MYT1L: variants seen among roughly 807,000 people sequenced by gnomAD.
The protein encoded by MYT1L is myelin transcription factor 1-like protein.
Under a neutral mutation model 126.7 loss-of-function variants are expected in MYT1L, and 12 were observed. That is an observed-to-expected ratio of 0.09 (90% CI 0.06 to 0.15). MYT1L has a LOEUF of 0.15. Ranked by LOEUF, MYT1L falls within the 10% of genes least tolerant of loss-of-function variation. The pLI, the probability that MYT1L is intolerant of heterozygous loss-of-function variation, is 1.00. For synonymous variants in MYT1L, 541 were observed against 604.2 expected, an observed-to-expected ratio of 0.90 and a Z score of 1.53; for missense variants, 979 against 1,585.2, an observed-to-expected ratio of 0.62 and a Z score of 6.49.
At chr2:1,809,003 C>T in intron 22 of MYT1L, 73 bp downstream of exon 22, 1 of 1,316,350 alleles carries the variant, frequency 7.6e-7, no homozygotes, top group Admixed American at 1.7e-5. Context: ...TGTCAAAGGA[C>T]ACACAGCTGG....
At position 1,889,552 on chromosome 2, in the gene MYT1L, C is replaced by A. The variant is rs1157865697; in HGVS notation, c.2284-75G>T. The stretch of plus-strand genomic sequence containing the variant: ...ACCACGAGTCCTTCCTCCCAGATTA[C>A]AGTCCTGCCGTCAGCCAGTGTAGCG... On this transcript the variant is annotated intron_variant, in intron 15 of 24. Coordinates refer to ENST00000647738, the MANE Select transcript of MYT1L (RefSeq NM_001303052.2). This position sits in a 1 kb window ranked among gnomAD's most constrained non-coding sequence, Gnocchi z 4.1. The A allele has an allele frequency of 4.1e-6, 5 of 1,226,300 alleles. No individual in the cohort carries two copies. In the African/African-American group the frequency reaches 7.5e-5, roughly 18 times the overall value. The allele number at this position is 1,226,300 out of a possible 1,614,324, so 76.0% of individuals were successfully genotyped here.
chr2:2,095,989 G>C (rs551605806), intron 3 of MYT1L, among the ~76,000 whole-genome samples: 11 of 152,068 alleles, frequency 7.2e-5, no homozygotes, highest in African/African-American at 2.2e-4. Context: ...ATGTTCATGG[G>C]TGGGTCTGTG....
intron 3 of MYT1L, among the ~76,000 whole-genome samples, chr2:2,143,015 G>T (rs1340612615): frequency 1.3e-5 from 2 of 150,828 alleles, no homozygotes; most frequent in African/African-American, 4.9e-5. Flanking sequence ...TGTAGGCTGG[G>T]CGCGGTGGCT....
At chr2:2,295,571 G>GAGAGAGAGAGACAGACAGAC (rs1559583222) in intron 1 of MYT1L, among the ~76,000 whole-genome samples, 169 of 136,700 alleles carry the variant, frequency 1.2e-3, no homozygotes, top group Non-Finnish European at 1.8e-3. Context: ...CAGACAGAGA[G>GAGAGAGAGAGACAGACAGAC]AGAGAGAGAG....
At chr2:2,292,184 G>T (rs1335831165) in intron 1 of MYT1L, among the ~76,000 whole-genome samples, 2 of 152,198 alleles carry the variant, frequency 1.3e-5, no homozygotes, top group Non-Finnish European at 2.9e-5. Flanking sequence ...CCTGCAGAGT[G>T]ACTGGGGGCG....
chr2:2,167,585 C>T (rs532495729), intron 3 of MYT1L, among the ~76,000 whole-genome samples: 1 of 152,302 alleles, frequency 6.6e-6, no homozygotes, highest in South Asian at 2.1e-4. Context: ...ACTCACCACG[C>T]CCACCCTGCC....
intron 5 of MYT1L, among the ~76,000 whole-genome samples, chr2:1,981,445 G>A (rs2060602934): frequency 6.6e-6 from 1 of 152,196 alleles, no homozygotes. Context: ...AAGGAAAAGA[G>A]ACTGTCTCTA....
At chr2:2,144,671 T>C (rs2084601460) in intron 3 of MYT1L, among the ~76,000 whole-genome samples, 1 of 152,210 alleles carries the variant, frequency 6.6e-6, no homozygotes, top group African/African-American at 2.4e-5. Flanking sequence ...TCCAGCTATG[T>C]GGTCATCGGA....
chr2:2,317,223 G>A (rs749978086), intron 1 of MYT1L, among the ~76,000 whole-genome samples: 3 of 152,050 alleles, frequency 2.0e-5, no homozygotes, highest in Non-Finnish European at 4.4e-5. Flanking sequence ...TCAAACAATA[G>A]CATCTACTCT....
intron 2 of MYT1L, among the ~76,000 whole-genome samples, chr2:2,271,921 A>C (rs2095271422): frequency 6.6e-6 from 1 of 152,206 alleles, no homozygotes. Context: ...CTTCAAAGGG[A>C]GATATCAGAA....
intron 21 of MYT1L, among the ~76,000 whole-genome samples, chr2:1,821,518 GT>G (rs2038522441): frequency 1.3e-5 from 2 of 152,114 alleles, no homozygotes; most frequent in South Asian, 4.1e-4. Flanking sequence ...CAAATTATAG[GT>G]TTTTAAAAAG....
intron 8 of MYT1L, among the ~76,000 whole-genome samples, chr2:1,947,782 G>C (rs1050197898): frequency 2.6e-5 from 4 of 152,246 alleles, no homozygotes; most frequent in Non-Finnish European, 5.9e-5. Flanking sequence ...TGTGTGGAAA[G>C]TCAAGTACAC....
chr2:2,285,679 A>G (rs1338524027), intron 1 of MYT1L, among the ~76,000 whole-genome samples: 1 of 152,202 alleles, frequency 6.6e-6, no homozygotes, highest in Non-Finnish European at 1.5e-5. Flanking sequence ...AGGGATCTTC[A>G]TGGTAAGAGC....
At position 1,868,252 on chromosome 2, in the gene MYT1L, C is replaced by T. The variant is rs560176792; in HGVS notation, c.2712-16549G>A. 1.4e-4 allele frequency among the ~76,000 whole-genome samples: 21 copies of T among 152,318 alleles called. No individual in the cohort carries two copies. The South Asian group carries it at 1.7e-3, about 12-fold the overall frequency. Reference sequence around the variant, plus strand: ...TGCTGGGATTACAGGTGTGAGCCACCGCGCCCGGCCTTGGCTCTGATGTTT... The same window carrying T: ...TGCTGGGATTACAGGTGTGAGCCACTGCGCCCGGCCTTGGCTCTGATGTTT... On this transcript the variant is annotated intron_variant, in intron 18 of 24. Coordinates refer to ENST00000647738, the MANE Select transcript of MYT1L (RefSeq NM_001303052.2).
intron 10 of MYT1L, among the ~76,000 whole-genome samples, chr2:1,919,798 G>C (rs570420114): frequency 6.6e-6 from 1 of 151,948 alleles, no homozygotes; most frequent in Non-Finnish European, 1.5e-5. Flanking sequence ...GCACAATCTC[G>C]GCTCACTGCA....
At chr2:1,904,275 G>A (rs1197079036) in intron 13 of MYT1L, among the ~76,000 whole-genome samples, 2 of 152,078 alleles carry the variant, frequency 1.3e-5, no homozygotes, top group Non-Finnish European at 2.9e-5. Flanking sequence ...CCTCCCCCTC[G>A]ACAGCTCCTC....
chr2:1,851,964 C>A (rs541118282), intron 18 of MYT1L, among the ~76,000 whole-genome samples: 1 of 152,280 alleles, frequency 6.6e-6, no homozygotes, highest in African/African-American at 2.4e-5. Flanking sequence ...CCCTAGGCTG[C>A]TCATTCTAGA....
Position 1,834,852 on chromosome 2 carries a change from C to T in MYT1L, c.3080+4297G>A, listed in dbSNP as rs1314941621. Among the ~76,000 whole-genome samples the T allele has an allele frequency of 3.3e-3, 395 of 117,948 alleles. 2 individuals are homozygous for T. The highest frequency in any genetic ancestry group is 0.01 in the African/African-American group (255 of 24,588). The allele number at this position is 117,948 out of a possible 152,430, so 77.4% of individuals were successfully genotyped here. A position where few individuals can be genotyped will look rare whatever the true frequency, so the allele number is the denominator to read the frequency against. On this transcript the variant is annotated intron_variant, in intron 21 of 24. Coordinates refer to ENST00000647738, the MANE Select transcript of MYT1L (RefSeq NM_001303052.2). ...GATACAGGTACTCCTCCACATACCA[C>T]GGAGATGGATACAGGTACTCCTCCA...
At chr2:2,215,834 C>T (rs1327286909) in intron 2 of MYT1L, among the ~76,000 whole-genome samples, 2 of 151,990 alleles carry the variant, frequency 1.3e-5, no homozygotes, top group African/African-American at 4.8e-5. Flanking sequence ...GGAGGTGGTC[C>T]CTCCCCAAAT....
Sources: allele counts gnomAD v4.1 joint callset (sites outside exome capture counted in the v4.1 genomes callset), GRCh38; gene constraint gnomAD v4.1.1; non-coding constraint Gnocchi (gnomAD v3.1); transcripts MANE v1.5; gene names NCBI Gene and HGNC (gene_info 2026-07-23, HGNC 2026-07-21).